Variants in UNKL observed in about 807,000 individuals in gnomAD.
UNKL encodes putative E3 ubiquitin-protein ligase UNKL.
Under a neutral mutation model 78.0 loss-of-function variants are expected in UNKL, and 60 were observed. The ratio of observed to expected loss-of-function variants is 0.77; its 90% CI spans 0.63 to 0.95. The LOEUF is 0.95. Ranked by LOEUF, UNKL falls within the 40% of genes least tolerant of loss-of-function variation. The pLI is 0.00. For synonymous variants in UNKL, 608 were observed against 474.8 expected, an observed-to-expected ratio of 1.28 and a Z score of -3.65; for missense variants, 1,159 against 1,045.7, an observed-to-expected ratio of 1.11 and a Z score of -1.49.
In UNKL at chr16:1,389,066, G is replaced by T. The variant is rs775910942; in HGVS notation, c.1086+1566C>A. On this transcript the variant is annotated intron_variant, in intron 9 of 14. Coordinates refer to ENST00000389221, the MANE Select transcript of UNKL (RefSeq NM_001372107.1). ...AACACTTGCCCCCTCCCCCGGCCCC[G>T]GCCCCGGCCCCCACCATGCCACCTG... Among the ~76,000 whole-genome samples, 227 of 86,016 alleles carry T rather than the reference G, an allele frequency of 2.6e-3. 1 individual carries two copies. Among genetic ancestry groups the T allele is most frequent in the Non-Finnish European group, 4.6e-3 (192 of 42,098 alleles). 56.4% of individuals were successfully genotyped at this position (86,016 alleles called of 152,430 possible).
At position 1,399,598 on chromosome 16, in the gene UNKL, C is replaced by G; in HGVS notation, c.599-89G>C. The G allele has an allele frequency of 2.0e-6, 3 of 1,527,250 alleles. No individual in the cohort carries two copies. Among genetic ancestry groups the G allele is most frequent in the Non-Finnish European group, 2.6e-6 (3 of 1,140,128 alleles). 94.6% of individuals were successfully genotyped at this position (1,527,250 alleles called of 1,614,324 possible). A position where few individuals can be genotyped will look rare whatever the true frequency, so the allele number is the denominator to read the frequency against. On this transcript the variant is annotated intron_variant, in intron 4 of 14. Coordinates refer to ENST00000389221, the MANE Select transcript of UNKL (RefSeq NM_001372107.1). This position sits in a 1 kb window ranked among gnomAD's most constrained non-coding sequence, Gnocchi z 5.8. ...CAAAGGTGGAAGGACCTGGCTGTCC[C>G]CCAAATGGAAGGGGCTGCAGGAGGA...
chr16:1,403,104 T>G lies in UNKL; in HGVS notation c.464+64A>C. 1 of 1,526,566 alleles carries G rather than the reference T, an allele frequency of 6.6e-7. No homozygotes were observed. The highest frequency in any genetic ancestry group is 2.4e-5 in the East Asian group (1 of 41,828). The allele number at this position is 1,526,566 out of a possible 1,614,324, so 94.6% of individuals were successfully genotyped here. On this transcript the variant is annotated intron_variant, in intron 3 of 14. Coordinates refer to ENST00000389221, the MANE Select transcript of UNKL (RefSeq NM_001372107.1). The surrounding 1 kb of genome is among the most constrained non-coding windows in gnomAD (Gnocchi z 4.8). ...GGAGGCGAGCCACTTGCCGAGTTCC[T>G]GCTCATCCAGCAGAGCCCACAGCAG...
intron 6 of UNKL, among the ~76,000 whole-genome samples, chr16:1,396,427 CA>C (rs1453705518): frequency 1.3e-5 from 2 of 148,794 alleles, no homozygotes; most frequent in African/African-American, 2.5e-5. Context: ...GCTAGGACTA[CA>C]GGCGCGCACC....
chr16:1,376,235 C>CCTCA (rs1331182914), intron 10 of UNKL, among the ~76,000 whole-genome samples: 1 of 147,866 alleles, frequency 6.8e-6, no homozygotes, highest in Non-Finnish European at 1.5e-5. Flanking sequence ...CTCCCTCCTC[C>CCTCA]CTCCAGGGCT....
rs1051280877 is a variant in UNKL, at chr16:1,365,976, C to T, written c.*264G>A. 10 of 345,336 alleles carry T rather than the reference C, an allele frequency of 2.9e-5. No individual in the cohort carries two copies. Among genetic ancestry groups the T allele is most frequent in the African/African-American group, 1.7e-4 (8 of 47,824 alleles). The allele number at this position is 345,336 out of a possible 1,614,324, so 21.4% of individuals were successfully genotyped here. ...ACCAGGCCCCTCAGGGACAGGCAGGCGGGTTCTGTGGGTTTGCATTTAAGG... is the reference window on the plus strand; with the variant it reads ...ACCAGGCCCCTCAGGGACAGGCAGGTGGGTTCTGTGGGTTTGCATTTAAGG... On this transcript the variant is annotated 3_prime_UTR_variant, in exon 15 of 15. Transcript: ENST00000389221.
chr16:1,403,032 A>C lies in UNKL; in HGVS notation c.464+136T>G, dbSNP rs2037599335. ...AGGACTAACATCCAGACTCAGAAAG[A>C]AATTCTGGAGGAGAGAGATTTGGGC... On this transcript the variant is annotated intron_variant, in intron 3 of 14. Coordinates refer to ENST00000389221, the MANE Select transcript of UNKL (RefSeq NM_001372107.1). This position sits in a 1 kb window ranked among gnomAD's most constrained non-coding sequence, Gnocchi z 4.8. The C allele has an allele frequency of 1.7e-6, 2 of 1,149,336 alleles. No homozygotes were observed. The allele number at this position is 1,149,336 out of a possible 1,614,324, so 71.2% of individuals were successfully genotyped here. A position where few individuals can be genotyped will look rare whatever the true frequency, so the allele number is the denominator to read the frequency against.
chr16:1,395,678 C>T, intron 6 of UNKL: 1 of 456,374 alleles, frequency 2.2e-6, no homozygotes, highest in Non-Finnish European at 4.4e-6. Context: ...GTTTATCTCC[C>T]TCAGGATTTA....
At chr16:1,369,055 GTTTTTTTTTTT>G (rs1218071522) in intron 12 of UNKL, among the ~76,000 whole-genome samples, 10 of 53,690 alleles carry the variant, frequency 1.9e-4, no homozygotes, top group Non-Finnish European at 3.2e-4. Context: ...CAAAGTATTA[GTTTTTTTTTTT>G]TTTTTTTTTT....
Position 1,404,042 on chromosome 16 carries a change from G to T in UNKL, c.288-698C>A, listed in dbSNP as rs184341691. ...CTGCCAAGGCTCAAGTCATAGGCAG[G>T]CAGCAGCGACGGAGACAAGGAGACG... On this transcript the variant is annotated intron_variant, in intron 2 of 14. Coordinates refer to ENST00000389221, the MANE Select transcript of UNKL (RefSeq NM_001372107.1). Among the ~76,000 whole-genome samples, 3 of 152,314 alleles carry T rather than the reference G, an allele frequency of 2.0e-5. No individual in the cohort carries two copies. In the East Asian group the frequency reaches 5.8e-4, roughly 29 times the overall value.
At chr16:1,371,718 G>A in intron 10 of UNKL, 107 bp from the exon 11 acceptor site, 1 of 1,185,522 alleles carries the variant, frequency 8.4e-7, no homozygotes, top group Non-Finnish European at 1.2e-6. Flanking sequence ...TGAGACCAAG[G>A]GCAGAAGGCG....
intron 2 of UNKL, among the ~76,000 whole-genome samples, chr16:1,412,852 G>A (rs1302606984): frequency 2.6e-5 from 4 of 152,128 alleles, no homozygotes; most frequent in African/African-American, 9.7e-5. Context: ...TGCCCAGGAG[G>A]TTGAGACCAG....
chr16:1,394,117 G>T lies in UNKL; in HGVS notation c.937+14C>A. 1 of 1,548,854 alleles carries T rather than the reference G, an allele frequency of 6.5e-7. No homozygotes were observed. Among genetic ancestry groups the T allele is most frequent in the African/African-American group, 1.4e-5 (1 of 73,158 alleles). ...ACCTGCTAAGGTGAACCTGCCACAG[G>T]GACGGTTACTCACTCTCAACGTGTG... is the stretch of plus-strand genomic sequence containing the variant. On this transcript the variant is annotated intron_variant, in intron 7 of 14. Coordinates refer to ENST00000389221, the MANE Select transcript of UNKL (RefSeq NM_001372107.1).
At chr16:1,401,737 T>A (rs769400641) in intron 3 of UNKL, 36 bp from the exon 4 acceptor site, 24 of 1,582,272 alleles carry the variant, frequency 1.5e-5, no homozygotes, top group Non-Finnish European at 2.0e-5. Context: ...CAGCTCTGCA[T>A]CTGGAGCCTC....
At chr16:1,366,847 G>C (rs1222111982) in intron 14 of UNKL, among the ~76,000 whole-genome samples, 1 of 150,644 alleles carries the variant, frequency 6.6e-6, no homozygotes, top group Non-Finnish European at 1.5e-5. Flanking sequence ...TGTGGCATTC[G>C]CTGACAAGAG....
intron 10 of UNKL, among the ~76,000 whole-genome samples, chr16:1,380,494 G>A (rs1302853232): frequency 6.6e-6 from 1 of 152,112 alleles, no homozygotes; most frequent in Non-Finnish European, 1.5e-5. Flanking sequence ...GTGCAGGGAT[G>A]TAACTTTACA....
Position 1,414,019 on chromosome 16 carries a change from C to T in UNKL, c.114G>A (p.Leu38=), listed in dbSNP as rs1352693277. ...LKEFRTEQCP[L]FSQHKCAQHR... is the part of the protein sequence containing the mutation. ...GCTGCGCGCACTTGTGCTGTGAAAA[C>T]AGGGGGCACTGCTCCGTCCTGAACT... Residue 38 remains leucine, a synonymous_variant, in exon 2 of 15, where the codon CTG becomes CTA. Coordinates refer to ENST00000389221, the MANE Select transcript of UNKL (RefSeq NM_001372107.1). 1.9e-6 allele frequency: 3 copies of T among 1,551,160 alleles called. No individual in the cohort carries two copies. The highest frequency in any genetic ancestry group is 2.6e-6 in the Non-Finnish European group (3 of 1,147,162).
intron 2 of UNKL, among the ~76,000 whole-genome samples, chr16:1,410,063 A>G (rs2142279759): frequency 6.6e-6 from 1 of 152,238 alleles, no homozygotes; most frequent in East Asian, 1.9e-4. Context: ...TGGTAGATAA[A>G]GCGAGAGCGA....
rs1273334444 is a variant in UNKL, at chr16:1,367,310, C to T, written c.1828G>A (p.Glu610Lys). 6.4e-7 allele frequency: 1 copy of T among 1,551,982 alleles called. No homozygotes were observed. Among genetic ancestry groups the T allele is most frequent in the Non-Finnish European group, 8.7e-7 (1 of 1,153,130 alleles). Residue 610 changes from glutamate to lysine, a missense_variant, in exon 14 of 15, where the codon GAG becomes AAG. Transcript: ENST00000389221. ...TCGCTATCGGCCACACGGGCACGCT[C>T]CTTGGCCTCCTGCGCCTCTCGCTGC... is the stretch of plus-strand genomic sequence containing the variant. ...AWQREAQEAK[E>K]RARVADSDRQ...
At chr16:1,389,994 T>C (rs2036977152) in intron 9 of UNKL, among the ~76,000 whole-genome samples, 1 of 152,072 alleles carries the variant, frequency 6.6e-6, no homozygotes, top group Non-Finnish European at 1.5e-5. Flanking sequence ...ATTCATTCAT[T>C]CATTCATTCA....
Sources: gnomAD v4.1 joint callset for allele counts (sites outside exome capture counted in the v4.1 genomes callset) on GRCh38, gnomAD v4.1.1 for gene constraint, Gnocchi (gnomAD v3.1) non-coding constraint, MANE v1.5 for transcripts, NCBI Gene and HGNC (gene_info 2026-07-23, HGNC 2026-07-21) for gene names.